The following DLGAP2 variants were observed in gnomAD, a reference collection of about 807,000 sequenced individuals.
DLGAP2 encodes the protein DLG associated protein 2.
Under a neutral mutation model 100.3 loss-of-function variants are expected in DLGAP2, and 26 were observed. That is an observed-to-expected ratio of 0.26 (90% confidence interval 0.19 to 0.36). The LOEUF is 0.36. DLGAP2 is among the 10% of genes least tolerant of loss of function. The pLI is 1.00. For synonymous variants in DLGAP2, 886 were observed against 630.1 expected (o/e 1.41, Z -6.08); for missense variants, 1,858 against 1,453.2 (o/e 1.28, Z -4.53).
At chr8:1,368,394 G>A (rs1563109417) in intron 3 of DLGAP2, among the ~76,000 whole-genome samples, 1 of 151,830 alleles carries the variant, frequency 6.6e-6, no homozygotes, top group Non-Finnish European at 1.5e-5. Flanking sequence ...CATGTGTGTG[G>A]GTATGTGTGT....
At chr8:1,354,635 G>A (rs1413597494) in intron 3 of DLGAP2, among the ~76,000 whole-genome samples, 2 of 149,896 alleles carry the variant, frequency 1.3e-5, no homozygotes, top group African/African-American at 2.5e-5. Context: ...GGAAAGTCAC[G>A]GATGATGCTG....
intron 2 of DLGAP2, among the ~76,000 whole-genome samples, chr8:1,013,100 G>A (rs772466984): frequency 6.6e-6 from 1 of 152,088 alleles, no homozygotes; most frequent in Non-Finnish European, 1.5e-5. Flanking sequence ...TGTTCTTTGT[G>A]GTCCATTATT....
At chr8:1,337,817 G>C (rs1052038366) in intron 3 of DLGAP2, among the ~76,000 whole-genome samples, 2 of 152,106 alleles carry the variant, frequency 1.3e-5, no homozygotes, top group African/African-American at 4.8e-5. Flanking sequence ...CTAGTGTCTG[G>C]GTTATATAAA....
At chr8:794,907 CGTGA>C (rs1442711087) in intron 1 of DLGAP2, among the ~76,000 whole-genome samples, 4 of 151,932 alleles carry the variant, frequency 2.6e-5, no homozygotes, top group Non-Finnish European at 5.9e-5. Flanking sequence ...TCCCTGGTGG[CGTGA>C]GTGAGGTTGG....
At chr8:1,537,181 C>G (rs754892755) in intron 4 of DLGAP2, among the ~76,000 whole-genome samples, 3 of 152,068 alleles carry the variant, frequency 2.0e-5, no homozygotes, top group African/African-American at 7.3e-5. Flanking sequence ...GAGCTTACGA[C>G]CTAATGGGTG....
At chr8:811,702 G>A (rs1000451720) in intron 1 of DLGAP2, among the ~76,000 whole-genome samples, 127 of 149,116 alleles carry the variant, frequency 8.5e-4, no homozygotes, top group African/African-American at 1.4e-3. Flanking sequence ...ACCAGCTTTC[G>A]GATGAAGCTC....
chr8:852,442 T>G (rs1340924407), intron 1 of DLGAP2, among the ~76,000 whole-genome samples: 3 of 152,236 alleles, frequency 2.0e-5, no homozygotes, highest in Admixed American at 1.3e-4. Flanking sequence ...ATCATGATTC[T>G]TTTGTCCGTC....
In DLGAP2 at chr8:1,356,259, G is replaced by C. The variant is rs542551017; in HGVS notation, c.106+97376G>C. 6.6e-5 allele frequency among the ~76,000 whole-genome samples: 10 copies of C among 152,300 alleles called. No individual in the cohort carries two copies. The East Asian group carries it at 7.7e-4, about 12-fold the overall frequency. On this transcript the variant is annotated intron_variant, in intron 3 of 14. Coordinates refer to ENST00000637795, the MANE Select transcript of DLGAP2 (RefSeq NM_001346810.2). ...GACCCGGGGAGCCATGGTGCAGAAAGCTCACCTGCTGTCAGCTGTCCTCTG... is the reference window on the plus strand; with the variant it reads ...GACCCGGGGAGCCATGGTGCAGAAACCTCACCTGCTGTCAGCTGTCCTCTG...
chr8:1,609,971 CA>C (rs1457458205), intron 6 of DLGAP2, among the ~76,000 whole-genome samples: 3 of 151,432 alleles, frequency 2.0e-5, no homozygotes, highest in Non-Finnish European at 4.4e-5. Context: ...CAACATTAGA[CA>C]GATCAACGAG....
At chr8:1,332,363 G>A (rs1044420660) in intron 3 of DLGAP2, among the ~76,000 whole-genome samples, 6 of 151,996 alleles carry the variant, frequency 3.9e-5, no homozygotes, top group African/African-American at 1.2e-4. Context: ...ATACATCTGT[G>A]TACACATATC....
At chr8:1,107,220 T>G (rs1368088053) in intron 2 of DLGAP2, among the ~76,000 whole-genome samples, 1 of 152,178 alleles carries the variant, frequency 6.6e-6, no homozygotes. Context: ...CTCCAAGACT[T>G]GGTTTTCTCA....
At chr8:1,019,811 C>G (rs1801578088) in intron 2 of DLGAP2, 1 of 152,172 alleles carries the variant, frequency 6.6e-6, no homozygotes, top group Non-Finnish European at 1.5e-5. Context: ...GTAAAATAAA[C>G]CGAGGGAAGT....
In DLGAP2 at chr8:1,520,599, C is replaced by T. The variant is rs576463139; in HGVS notation, c.172+19168C>T. ...TGCTCCCCCTATTCATCCCTCCCTG[C>T]CCCCAACCCCTGGCAAACACTGACT... is the stretch of plus-strand genomic sequence containing the variant. On this transcript the variant is annotated intron_variant, in intron 4 of 14. Transcript: ENST00000637795. Among the ~76,000 whole-genome samples the T allele has an allele frequency of 2.6e-5, 4 of 152,210 alleles. No homozygotes were observed. The East Asian group carries it at 7.7e-4, about 29-fold the overall frequency.
chr8:1,186,191 C>T (rs1563238978), intron 2 of DLGAP2, among the ~76,000 whole-genome samples: 1 of 152,236 alleles, frequency 6.6e-6, no homozygotes, highest in Non-Finnish European at 1.5e-5. Flanking sequence ...TGCGATGGGT[C>T]GGTGGCACCG....
chr8:1,422,561 TAAAA>T (rs372845289), intron 3 of DLGAP2, among the ~76,000 whole-genome samples: 1 of 136,366 alleles, frequency 7.3e-6, no homozygotes, highest in African/African-American at 2.8e-5. Flanking sequence ...TCTTTGACAT[TAAAA>T]AAAAAAAAAA....
chr8:1,430,029 C>T (rs9314427), intron 3 of DLGAP2, among the ~76,000 whole-genome samples: 19,313 of 37,166 alleles, frequency 0.52, 4,043 homozygotes, highest in East Asian at 0.77. Flanking sequence ...TATATATATA[C>T]ACACACACAC....
At chr8:1,419,205 C>T (rs13268198) in intron 3 of DLGAP2, among the ~76,000 whole-genome samples, 1,932 of 73,712 alleles carry the variant, frequency 0.026, 73 homozygotes, top group African/African-American at 0.086. Context: ...CTGATGCGTG[C>T]GTGTGTGTGT....
At chr8:1,132,110 T>C (rs1034846670) in intron 2 of DLGAP2, among the ~76,000 whole-genome samples, 1 of 152,196 alleles carries the variant, frequency 6.6e-6, no homozygotes, top group Admixed American at 6.5e-5. Flanking sequence ...CAGTTTTTCA[T>C]TATATGTGTT....
chr8:1,352,381 C>T (rs1801756157), intron 3 of DLGAP2, among the ~76,000 whole-genome samples: 1 of 151,968 alleles, frequency 6.6e-6, no homozygotes, highest in Non-Finnish European at 1.5e-5. Context: ...GGGGCTTCCT[C>T]ATGGGGCCAT....
Sources: allele counts gnomAD v4.1 joint callset (sites outside exome capture counted in the v4.1 genomes callset), GRCh38; gene constraint gnomAD v4.1.1; transcripts MANE v1.5; gene names NCBI Gene and HGNC (gene_info 2026-07-23, HGNC 2026-07-21).